TBCD: variants seen among roughly 807,000 people sequenced by gnomAD.
The protein encoded by TBCD is tubulin folding cofactor D, also known as tubulin-specific chaperone D.
A neutral mutation model predicts 169.3 loss-of-function variants in TBCD; 105 were observed. That is an observed-to-expected ratio of 0.62 (90% CI 0.53 to 0.73). The LOEUF (loss-of-function observed/expected upper bound fraction) is 0.73, where lower values mean the gene tolerates loss of function less well. Ranked by LOEUF, TBCD falls within the 30% of genes least tolerant of loss-of-function variation. TBCD has a pLI of 0.00. For missense variants in TBCD, 1,444 were observed against 1,600.1 expected, an observed-to-expected ratio of 0.90 and a Z score of 1.66; for synonymous variants, 700 against 643.9, an observed-to-expected ratio of 1.09 and a Z score of -1.32.
intron 2 of TBCD, among the ~76,000 whole-genome samples, chr17:82,757,577 A>G (rs2047469065): frequency 6.6e-6 from 1 of 151,118 alleles, no homozygotes; most frequent in Admixed American, 6.6e-5. Context: ...AGCTGAGATC[A>G]CGTCACTGCA....
chr17:82,768,235 G>A (rs1271558862), intron 4 of TBCD, among the ~76,000 whole-genome samples, 185 bp from the exon 5 acceptor site: 1 of 152,098 alleles, frequency 6.6e-6, no homozygotes, highest in African/African-American at 2.4e-5. Flanking sequence ...GTGTGGTGGG[G>A]ATTCCGGGGG....
intron 7 of TBCD, among the ~76,000 whole-genome samples, chr17:82,791,178 G>A (rs1429927966): frequency 2.1e-5 from 3 of 143,606 alleles, no homozygotes; most frequent in African/African-American, 5.2e-5. Context: ...TGCAAGCTCC[G>A]CCTCCCGGGT....
At chr17:82,925,420 G>A (rs1194439048) in intron 27 of TBCD, among the ~76,000 whole-genome samples, 1 of 152,174 alleles carries the variant, frequency 6.6e-6, no homozygotes, top group Non-Finnish European at 1.5e-5. Context: ...CTGCATCCAG[G>A]TCGGGGCAGA....
At chr17:82,766,420 C>T in intron 4 of TBCD, 52 bp downstream of exon 4, 3 of 1,396,870 alleles carry the variant, frequency 2.1e-6, no homozygotes, top group South Asian at 2.4e-5. Flanking sequence ...CCTGTCCTTC[C>T]TCCCTGCTTG....
chr17:82,774,720 A>G (rs573315768), intron 6 of TBCD, among the ~76,000 whole-genome samples: 2 of 152,282 alleles, frequency 1.3e-5, no homozygotes, highest in East Asian at 3.9e-4. Context: ...GTGGTGGGAC[A>G]TTTAGACTGC....
In TBCD at chr17:82,889,336, G is replaced by C. The variant is rs1471679262; in HGVS notation, c.1534-332G>C. ...CTCACTCCTGAGGAAGAGTGTTCGG[G>C]CTCTGGGCTTTGATTTAACCTGCCT... On this transcript the variant is annotated intron_variant, in intron 15 of 38. Coordinates refer to ENST00000355528, the MANE Select transcript of TBCD (RefSeq NM_005993.5). This position sits in a 1 kb window ranked among gnomAD's most constrained non-coding sequence, Gnocchi z 5.3. 6.6e-6 allele frequency among the ~76,000 whole-genome samples: 1 copy of C among 152,084 alleles called. No individual in the cohort carries two copies. Among genetic ancestry groups the C allele is most frequent in the Admixed American group, 6.5e-5 (1 of 15,282 alleles).
chr17:82,894,239 T>C (rs1347803496), intron 17 of TBCD, among the ~76,000 whole-genome samples: 2 of 152,248 alleles, frequency 1.3e-5, no homozygotes, highest in Admixed American at 6.5e-5. Context: ...GTTTTAGTTG[T>C]GTAATTAGGT....
chr17:82,821,281 T>C (rs1421252701), intron 13 of TBCD, among the ~76,000 whole-genome samples: 1 of 152,242 alleles, frequency 6.6e-6, no homozygotes, highest in Admixed American at 6.5e-5. Context: ...CATGTTAGTT[T>C]AAATGTTGTT....
Position 82,789,610 on chromosome 17 carries a change from C to T in TBCD, c.771+7889C>T, listed in dbSNP as rs2049558596. Among the ~76,000 whole-genome samples, 1 of 152,224 alleles carries T rather than the reference C, an allele frequency of 6.6e-6. No individual in the cohort carries two copies. The highest frequency in any genetic ancestry group is 2.4e-5 in the African/African-American group (1 of 41,460). ...CCCCTGCCCTCTCCCCTGCCCCGCC[C>T]TCACCTGGCTCACAGACCCGTGATG... is the stretch of plus-strand genomic sequence containing the variant. On this transcript the variant is annotated intron_variant, in intron 7 of 38. Transcript: ENST00000355528. This position sits in a 1 kb window ranked among gnomAD's most constrained non-coding sequence, Gnocchi z 4.8.
chr17:82,807,349 G>C (rs753775818), intron 10 of TBCD, among the ~76,000 whole-genome samples: 13 of 152,220 alleles, frequency 8.5e-5, no homozygotes, highest in Non-Finnish European at 1.6e-4. Context: ...TTCCCCTGGG[G>C]GCAGGCAGCT....
At position 82,874,596 on chromosome 17, in the gene TBCD, G is replaced by A. The variant is rs1335733206; in HGVS notation, c.1475+4216G>A. On this transcript the variant is annotated intron_variant, in intron 14 of 38. Transcript: ENST00000355528. The surrounding 1 kb of genome is among the most constrained non-coding windows in gnomAD (Gnocchi z 5.0). ...GGTGCCCTTGGAGCCGTGCCCGCCGGCCTGGGTGTCAGGCTTGTCCAACGG... is the reference window on the plus strand; with the variant it reads ...GGTGCCCTTGGAGCCGTGCCCGCCGACCTGGGTGTCAGGCTTGTCCAACGG... 6.6e-6 allele frequency among the ~76,000 whole-genome samples: 1 copy of A among 152,172 alleles called. No individual in the cohort carries two copies. The highest frequency in any genetic ancestry group is 1.5e-5 in the Non-Finnish European group (1 of 68,030).
chr17:82,831,671 C>T lies in TBCD; in HGVS notation c.1318+16737C>T, dbSNP rs937600251. On this transcript the variant is annotated intron_variant, in intron 13 of 38. Coordinates refer to ENST00000355528, the MANE Select transcript of TBCD (RefSeq NM_005993.5). This position sits in a 1 kb window ranked among gnomAD's most constrained non-coding sequence, Gnocchi z 4.6. ...GCGTCACACTCAGGCGAGCTCCCAG[C>T]CAGCAGGTAAGGCGAGTAGATGGTG... is the stretch of plus-strand genomic sequence containing the variant. The T allele has an allele frequency of 2.5e-6, 4 of 1,613,954 alleles. No individual in the cohort carries two copies. The South Asian group carries it at 3.3e-5, about 13-fold the overall frequency.
chr17:82,853,371 T>G (rs2055969183), intron 13 of TBCD, among the ~76,000 whole-genome samples: 1 of 151,104 alleles, frequency 6.6e-6, no homozygotes, highest in Admixed American at 6.6e-5. Context: ...ATTACAGGCT[T>G]GAGCCACTGC....
Position 82,853,232 on chromosome 17 carries a change from A to G in TBCD, c.1319-16992A>G, listed in dbSNP as rs145527240. ...GTAGCTGGAACCACAGGCATGTGCC[A>G]CCACGCCCAGCTAATTGTCGTATTT... On this transcript the variant is annotated intron_variant, in intron 13 of 38. Coordinates refer to ENST00000355528, the MANE Select transcript of TBCD (RefSeq NM_005993.5). 1.8e-4 allele frequency among the ~76,000 whole-genome samples: 28 copies of G among 152,160 alleles called. 1 individual carries two copies. In the East Asian group the frequency reaches 5.2e-3, roughly 28 times the overall value.
At chr17:82,883,595 T>C (rs970555604) in intron 14 of TBCD, among the ~76,000 whole-genome samples, 2 of 152,222 alleles carry the variant, frequency 1.3e-5, no homozygotes, top group African/African-American at 4.8e-5. Flanking sequence ...GCCAGACGCC[T>C]TGTCTTCAGG....
In TBCD at chr17:82,907,731, G is replaced by C. The variant is rs753317260; in HGVS notation, c.1923-30G>C. The C allele has an allele frequency of 2.5e-6, 4 of 1,612,950 alleles. 1 individual carries two copies. The South Asian group carries it at 4.4e-5, about 18-fold the overall frequency. ...TCGGGGTTAGGGTCTTGGGGAGTGT[G>C]ACTTCAGCTCTGTGTTTGAACTTCT... is the stretch of plus-strand genomic sequence containing the variant. On this transcript the variant is annotated intron_variant, in intron 20 of 38. Coordinates refer to ENST00000355528, the MANE Select transcript of TBCD (RefSeq NM_005993.5).
intron 32 of TBCD, chr17:82,929,864 AG>A: frequency 2.5e-6 from 1 of 401,746 alleles, no homozygotes; most frequent in Non-Finnish European, 4.7e-6. Context: ...CTCCACTTTC[AG>A]GGCTCCAGGC....
chr17:82,796,190 G>A (rs1415453487), intron 7 of TBCD: 1 of 152,252 alleles, frequency 6.6e-6, no homozygotes, highest in Non-Finnish European at 1.5e-5. Flanking sequence ...GCTTGGCCCT[G>A]CGACTGCCCC....
At chr17:82,826,531 T>G (rs910338513) in intron 13 of TBCD, among the ~76,000 whole-genome samples, 23 of 152,072 alleles carry the variant, frequency 1.5e-4, no homozygotes, top group African/African-American at 5.3e-4. Flanking sequence ...TCCTCCTGCC[T>G]CAGCCTCTCA....
Sources: gnomAD v4.1 joint callset for allele counts (sites outside exome capture counted in the v4.1 genomes callset) on GRCh38, gnomAD v4.1.1 for gene constraint, Gnocchi (gnomAD v3.1) non-coding constraint, MANE v1.5 for transcripts, NCBI Gene and HGNC (gene_info 2026-07-23, HGNC 2026-07-21) for gene names.